SLC6A17: variants seen among roughly 807,000 people sequenced by gnomAD.
SLC6A17 encodes solute carrier family 6 member 17.
In SLC6A17, 21 loss-of-function variants were observed where a neutral mutation model predicts 64.5. That is an observed-to-expected ratio of 0.33 (90% CI 0.23 to 0.47). The LOEUF (loss-of-function observed/expected upper bound fraction) is 0.47, where lower values mean the gene tolerates loss of function less well. SLC6A17 is among the 20% of genes least tolerant of loss of function. The probability of loss-of-function intolerance (pLI) is 1.00; values close to 1 mark genes in which losing one functional copy is unlikely to be tolerated. For synonymous variants in SLC6A17, 372 were observed against 399.5 expected (o/e 0.93, Z 0.82); for missense variants, 682 against 963.2 (o/e 0.71, Z 3.86).
chr1:110,193,192 AG>A (rs1656876802), intron 8 of SLC6A17, among the ~76,000 whole-genome samples: 1 of 152,194 alleles, frequency 6.6e-6, no homozygotes, highest in Admixed American at 6.5e-5. Flanking sequence ...TCTCATAACT[AG>A]TAAGTCAGAG....
At chr1:110,170,604 G>T (rs562239719) in intron 2 of SLC6A17, among the ~76,000 whole-genome samples, 27 of 152,330 alleles carry the variant, frequency 1.8e-4, no homozygotes, top group Admixed American at 6.5e-4. Context: ...CAGACCCAGG[G>T]GTCTAAGCAT....
rs1374897349 is a variant in SLC6A17, at chr1:110,201,595, CA to C, written c.*3152del. On this transcript the variant is annotated 3_prime_UTR_variant, in exon 12 of 12. Coordinates refer to ENST00000331565, the MANE Select transcript of SLC6A17 (RefSeq NM_001010898.4). ...TGGGGGCTGAACAGGTAGGGCACAT[CA>C]GTTAATGCCAGTGAGGTCAGCTTCT... The C allele has an allele frequency of 6.6e-6, 1 of 152,212 alleles. No homozygotes were observed. The allele number at this position is 152,212 out of a possible 1,614,324, so 9.4% of individuals were successfully genotyped here.
chr1:110,176,517 T>C, intron 5 of SLC6A17, 112 bp from the exon 6 acceptor site: 2 of 994,702 alleles, frequency 2.0e-6, no homozygotes, highest in South Asian at 1.4e-5. Context: ...TCCAGGGCTC[T>C]GTTTTCTGCT....
chr1:110,197,039 A>G (rs1407615005), intron 10 of SLC6A17, among the ~76,000 whole-genome samples: 1 of 152,208 alleles, frequency 6.6e-6, no homozygotes, highest in Non-Finnish European at 1.5e-5. Flanking sequence ...GAGTCAGGGC[A>G]GCTCTCTACC....
chr1:110,168,657 C>T (rs1656137940), intron 2 of SLC6A17, among the ~76,000 whole-genome samples: 1 of 152,208 alleles, frequency 6.6e-6, no homozygotes, highest in African/African-American at 2.4e-5. Context: ...TTGAGAAGAG[C>T]TCCAAGGCAA....
rs748926222 is a variant in SLC6A17 at position 110,192,257 on chromosome 1, C to G, written c.1106+44C>G. 43 of 1,579,824 alleles carry G rather than the reference C, an allele frequency of 2.7e-5. No individual in the cohort carries two copies. The highest frequency in any genetic ancestry group is 3.6e-5 in the Non-Finnish European group (42 of 1,160,058). On this transcript the variant is annotated intron_variant, in intron 7 of 11. Coordinates refer to ENST00000331565, the MANE Select transcript of SLC6A17 (RefSeq NM_001010898.4). This position sits in a 1 kb window ranked among gnomAD's most constrained non-coding sequence, Gnocchi z 4.3. ...CCTGTCCCTCCTTCTCCCTGTCTAC[C>G]TTACCTGGGAGTGGGCAGGGGTGGG...
chr1:110,155,552 T>A (rs1283693925), intron 1 of SLC6A17, among the ~76,000 whole-genome samples: 1 of 151,994 alleles, frequency 6.6e-6, no homozygotes, highest in Non-Finnish European at 1.5e-5. Context: ...TCTTGTGGAG[T>A]GGGAGTGAGG....
chr1:110,169,382 G>C (rs1213569399), intron 2 of SLC6A17, among the ~76,000 whole-genome samples: 1 of 152,130 alleles, frequency 6.6e-6, no homozygotes, highest in Non-Finnish European at 1.5e-5. Flanking sequence ...GGCCATTTTT[G>C]TAAGTCAAAA....
chr1:110,169,614 T>C (rs1260903772), intron 2 of SLC6A17, among the ~76,000 whole-genome samples: 1 of 152,070 alleles, frequency 6.6e-6, no homozygotes, highest in Non-Finnish European at 1.5e-5. Flanking sequence ...CTTAGAATAC[T>C]GACCGAGGCA....
chr1:110,156,120 C>T (rs1655754348), intron 1 of SLC6A17, among the ~76,000 whole-genome samples: 1 of 152,254 alleles, frequency 6.6e-6, no homozygotes, highest in Non-Finnish European at 1.5e-5. Context: ...TGCCACACCA[C>T]TGGGGCCATC....
Position 110,198,883 on chromosome 1 carries a change from CTCACTCT to C in SLC6A17, c.*440_*446del. The C allele has an allele frequency of 6.0e-6, 1 of 166,702 alleles. No individual in the cohort carries two copies. Among genetic ancestry groups the C allele is most frequent in the Non-Finnish European group, 1.3e-5 (1 of 77,136 alleles). 10.3% of individuals were successfully genotyped at this position (166,702 alleles called of 1,614,324 possible). A position where few individuals can be genotyped will look rare whatever the true frequency, so the allele number is the denominator to read the frequency against. On this transcript the variant is annotated 3_prime_UTR_variant, in exon 12 of 12. Coordinates refer to ENST00000331565, the MANE Select transcript of SLC6A17 (RefSeq NM_001010898.4). The stretch of plus-strand genomic sequence containing the variant: ...GCTGGGGAAGGAGAGTGGACTTTGG[CTCACTCT>C]GCCATGAGAACAGGACACCATCCTG...
intron 6 of SLC6A17, among the ~76,000 whole-genome samples, chr1:110,183,665 A>G (rs1046555799): frequency 7.9e-5 from 12 of 152,298 alleles, no homozygotes; most frequent in Admixed American, 5.2e-4. Flanking sequence ...CAGGAGGGAG[A>G]GACTGCAGTG....
In SLC6A17 at chr1:110,192,787, C is replaced by T; in HGVS notation, c.1299+89C>T. 7.3e-7 allele frequency: 1 copy of T among 1,374,034 alleles called. No individual in the cohort carries two copies. The highest frequency in any genetic ancestry group is 9.9e-7 in the Non-Finnish European group (1 of 1,013,036). 85.1% of individuals were successfully genotyped at this position (1,374,034 alleles called of 1,614,324 possible). A position where few individuals can be genotyped will look rare whatever the true frequency, so the allele number is the denominator to read the frequency against. On this transcript the variant is annotated intron_variant, in intron 8 of 11. Transcript: ENST00000331565. The surrounding 1 kb of genome is among the most constrained non-coding windows in gnomAD (Gnocchi z 4.3). The stretch of plus-strand genomic sequence containing the variant: ...GAGCTTGGGCTCAGGCCTCAGGATG[C>T]TGACAGGTAGTCATTAGTTTACTTG...
At chr1:110,186,920 G>T (rs1482109211) in intron 6 of SLC6A17, among the ~76,000 whole-genome samples, 1 of 152,254 alleles carries the variant, frequency 6.6e-6, no homozygotes, top group Non-Finnish European at 1.5e-5. Flanking sequence ...ACCAGAAAGT[G>T]AGTAGGAGGA....
At chr1:110,175,518 C>T (rs1318917515) in intron 5 of SLC6A17, among the ~76,000 whole-genome samples, 2 of 152,324 alleles carry the variant, frequency 1.3e-5, no homozygotes, top group Non-Finnish European at 2.9e-5. Context: ...CCCTTTCTTA[C>T]TTGTCACATA....
At chr1:110,158,272 T>C (rs1292127930) in intron 1 of SLC6A17, among the ~76,000 whole-genome samples, 2 of 152,176 alleles carry the variant, frequency 1.3e-5, no homozygotes, top group Non-Finnish European at 2.9e-5. Context: ...TAAAATCCCA[T>C]ATTTCAGCAG....
chr1:110,186,041 G>A (rs1306305791), intron 6 of SLC6A17, among the ~76,000 whole-genome samples: 1 of 152,204 alleles, frequency 6.6e-6, no homozygotes, highest in Non-Finnish European at 1.5e-5. Context: ...TGATACGTAT[G>A]TGGGTGATAG....
At chr1:110,166,314 C>T (rs565636096) in intron 1 of SLC6A17, 1 of 151,866 alleles carries the variant, frequency 6.6e-6, no homozygotes, top group East Asian at 1.9e-4. Context: ...ACCTGGGGAT[C>T]CTGTAAAAAG....
At chr1:110,157,500 G>A (rs1049958799) in intron 1 of SLC6A17, among the ~76,000 whole-genome samples, 1 of 152,132 alleles carries the variant, frequency 6.6e-6, no homozygotes, top group African/African-American at 2.4e-5. Flanking sequence ...TTGAACCCGG[G>A]AGGTGGAGGT....
Sources: allele counts gnomAD v4.1 joint callset (sites outside exome capture counted in the v4.1 genomes callset), GRCh38; gene constraint gnomAD v4.1.1; non-coding constraint Gnocchi (gnomAD v3.1); transcripts MANE v1.5; gene names NCBI Gene and HGNC (gene_info 2026-07-23, HGNC 2026-07-21).